NAALADL2: variants seen among roughly 807,000 people sequenced by gnomAD.
NAALADL2 encodes the protein N-acetylated alpha-linked acidic dipeptidase like 2, also known as inactive N-acetylated-alpha-linked acidic dipeptidase-like protein 2.
Under a neutral mutation model 87.2 loss-of-function variants are expected in NAALADL2, and 76 were observed. That is an observed-to-expected ratio of 0.87 (90% CI 0.72 to 1.05). The LOEUF (loss-of-function observed/expected upper bound fraction) is 1.05. Among genes scored for constraint, NAALADL2 ranks in the 50% least tolerant of loss-of-function variants. The pLI is 0.00. For missense variants in NAALADL2, 1,089 were observed against 945.8 expected, an observed-to-expected ratio of 1.15 and a Z score of -1.99; for synonymous variants, 354 against 331.0, an observed-to-expected ratio of 1.07 and a Z score of -0.75.
At chr3:175,189,351 A>C (rs751132610) in intron 2 of NAALADL2, among the ~76,000 whole-genome samples, 1 of 152,220 alleles carries the variant, frequency 6.6e-6, no homozygotes, top group African/African-American at 2.4e-5. Flanking sequence ...TGTACAAAGA[A>C]ACTTTTAGAA....
chr3:174,844,629 T>C (rs1260426449), intron 3 of NAALADL2, among the ~76,000 whole-genome samples: 3 of 152,074 alleles, frequency 2.0e-5, no homozygotes, highest in African/African-American at 7.2e-5. Flanking sequence ...TCCGTAAACA[T>C]TGAATATGTC....
intron 13 of NAALADL2, among the ~76,000 whole-genome samples, chr3:175,794,010 GA>G: frequency 1.3e-5 from 2 of 152,058 alleles, no homozygotes; most frequent in Middle Eastern, 6.8e-3. Flanking sequence ...AAAAATAAAT[GA>G]AAAAAATAAA....
chr3:174,736,190 C>A (rs553493567), intron 2 of NAALADL2, among the ~76,000 whole-genome samples: 9 of 152,200 alleles, frequency 5.9e-5, no homozygotes, highest in Admixed American at 1.3e-4. Flanking sequence ...TCTAGGAGGT[C>A]CACAGCTCTT....
chr3:175,731,610 G>A (rs1254116966), intron 11 of NAALADL2, among the ~76,000 whole-genome samples: 1 of 152,190 alleles, frequency 6.6e-6, no homozygotes, highest in Non-Finnish European at 1.5e-5. Context: ...GCTCATCTCT[G>A]TGCTGCATGA....
intron 1 of NAALADL2, among the ~76,000 whole-genome samples, chr3:175,044,674 A>G (rs1170096001): frequency 2.0e-5 from 3 of 152,138 alleles, no homozygotes; most frequent in East Asian, 3.8e-4. Flanking sequence ...GTAATACTAC[A>G]TTTATATAAT....
chr3:174,723,117 C>T (rs1433669423), intron 2 of NAALADL2, among the ~76,000 whole-genome samples: 1 of 152,138 alleles, frequency 6.6e-6, no homozygotes, highest in Admixed American at 6.5e-5. Flanking sequence ...TCATTATCTT[C>T]TGATTTTATG....
At chr3:175,703,881 T>G (rs1739317562) in intron 11 of NAALADL2, among the ~76,000 whole-genome samples, 3 of 152,212 alleles carry the variant, frequency 2.0e-5, no homozygotes, top group Admixed American at 6.5e-5. Context: ...TTAAAATGCA[T>G]TCGTTCATAT....
chr3:175,795,518 CA>C (rs35800749), intron 13 of NAALADL2, among the ~76,000 whole-genome samples: 25,548 of 132,230 alleles, frequency 0.19, 3,023 homozygotes, highest in African/African-American at 0.35. Context: ...CTAAAAAATA[CA>C]AAAAAAAAAA....
chr3:174,639,333 A>C lies in NAALADL2; in HGVS notation c.-115+88696A>C, dbSNP rs181517314. On this transcript the variant is annotated intron_variant, in intron 2 of 3. Transcript: ENST00000434257. Reference sequence around the variant, plus strand: ...TCAATGTAATGGAAATTTCCATATCATAAAGTCAAAGAAAAATCAAACTAA... The same window carrying C: ...TCAATGTAATGGAAATTTCCATATCCTAAAGTCAAAGAAAAATCAAACTAA... Among the ~76,000 whole-genome samples, 7 of 152,326 alleles carry C rather than the reference A, an allele frequency of 4.6e-5. No homozygotes were observed. The East Asian group carries it at 1.3e-3, about 29-fold the overall frequency.
intron 3 of NAALADL2, among the ~76,000 whole-genome samples, chr3:174,844,487 G>A (rs888477734): frequency 3.9e-5 from 6 of 152,044 alleles, no homozygotes. Context: ...TGAGGTCTTT[G>A]TGGTTCCATA....
intron 1 of NAALADL2, among the ~76,000 whole-genome samples, chr3:175,095,691 C>G (rs577857854): frequency 2.4e-4 from 36 of 152,120 alleles, no homozygotes; most frequent in Non-Finnish European, 4.3e-4. Context: ...TAGGAATTTA[C>G]TTGTCTACCA....
At chr3:174,765,403 A>C (rs1309358116) in intron 3 of NAALADL2, among the ~76,000 whole-genome samples, 1 of 152,220 alleles carries the variant, frequency 6.6e-6, no homozygotes, top group East Asian at 1.9e-4. Context: ...TTACTAAATA[A>C]GTAATAGCAT....
At chr3:174,640,299 G>C (rs9813094) in intron 2 of NAALADL2, among the ~76,000 whole-genome samples, 77,119 of 152,056 alleles carry the variant, frequency 0.51, 20,041 homozygotes, top group Middle Eastern at 0.65. Flanking sequence ...CTCTTTAGCT[G>C]TGCCTCAAAG....
intron 10 of NAALADL2, among the ~76,000 whole-genome samples, chr3:175,600,822 C>T (rs546879798): frequency 4.6e-5 from 7 of 152,098 alleles, no homozygotes; most frequent in African/African-American, 1.4e-4. Flanking sequence ...CAGGCGTGAG[C>T]CACCGCGCCC....
chr3:175,122,589 T>C (rs1306161125), intron 2 of NAALADL2, among the ~76,000 whole-genome samples: 1 of 151,802 alleles, frequency 6.6e-6, no homozygotes, highest in East Asian at 1.9e-4. Flanking sequence ...ATTTATCATC[T>C]AGTATTAAAT....
chr3:174,482,699 T>C (rs1278379280), intron 1 of NAALADL2, among the ~76,000 whole-genome samples: 3 of 152,026 alleles, frequency 2.0e-5, no homozygotes, highest in African/African-American at 7.2e-5. Context: ...TTATTCCTTT[T>C]GCCAAGAGCT....
intron 6 of NAALADL2, among the ~76,000 whole-genome samples, chr3:175,455,443 T>A (rs911127144): frequency 1.4e-4 from 22 of 152,000 alleles, no homozygotes; most frequent in African/African-American, 4.8e-4. Flanking sequence ...TGAGAAAAAA[T>A]TGTCAATTTT....
chr3:174,758,500 A>G (rs1712438275), intron 3 of NAALADL2, among the ~76,000 whole-genome samples: 2 of 152,204 alleles, frequency 1.3e-5, no homozygotes, highest in Non-Finnish European at 2.9e-5. Context: ...ATGTTGATAG[A>G]GTAGGTTAAG....
chr3:174,612,586 A>C (rs1226488276), intron 2 of NAALADL2, among the ~76,000 whole-genome samples: 1 of 152,028 alleles, frequency 6.6e-6, no homozygotes, highest in Admixed American at 6.6e-5. Context: ...ACTGTGATGC[A>C]TTCTTCCATA....
Sources: allele counts gnomAD v4.1 joint callset (sites outside exome capture counted in the v4.1 genomes callset), GRCh38; gene constraint gnomAD v4.1.1; transcripts MANE v1.5; gene names NCBI Gene and HGNC (gene_info 2026-07-23, HGNC 2026-07-21).